Variants in PTGER2 observed in about 807,000 individuals in gnomAD.
The protein encoded by PTGER2 is prostaglandin E receptor 2.
A neutral mutation model predicts 26.2 loss-of-function variants in PTGER2; 22 were observed. The ratio of observed to expected loss-of-function variants is 0.84; its 90% CI spans 0.60 to 1.20. The LOEUF (loss-of-function observed/expected upper bound fraction) is 1.20, where lower values mean the gene tolerates loss of function less well. Among genes scored for constraint, PTGER2 ranks in the 50% most tolerant of loss-of-function variants. The pLI is 0.00. For synonymous variants in PTGER2, 219 were observed against 208.9 expected (o/e 1.05, Z -0.42); for missense variants, 458 against 475.2 (o/e 0.96, Z 0.34).
chr14:52,326,392 G>T (rs2033950864), intron 1 of PTGER2, among the ~76,000 whole-genome samples: 1 of 152,186 alleles, frequency 6.6e-6, no homozygotes, highest in South Asian at 2.1e-4. Flanking sequence ...GTCTGCATTT[G>T]TAAAATGGAT....
At chr14:52,322,076 T>G (rs1226605513) in intron 1 of PTGER2, among the ~76,000 whole-genome samples, 1 of 152,214 alleles carries the variant, frequency 6.6e-6, no homozygotes, top group East Asian at 1.9e-4. Context: ...CCTAGACTAA[T>G]TAAGTTGGAG....
rs2033823246 is a variant in PTGER2, at chr14:52,315,139, G to T, written c.591G>T (p.Leu197=). 6.2e-7 allele frequency: 1 copy of T among 1,608,910 alleles called. No individual in the cohort carries two copies. The highest frequency in any genetic ancestry group is 1.7e-5 in the Admixed American group (1 of 60,002). ...TCCGGCACGGGCGGACCGCTTACCT[G>T]CAGCTGTACGCCACCCTGCTGCTGC... ...CFIRHGRTAY[L]QLYATLLLLL... Residue 197 remains leucine (L), a synonymous_variant, in exon 1 of 2, where the codon CTG becomes CTT. Coordinates refer to ENST00000245457, the MANE Select transcript of PTGER2 (RefSeq NM_000956.4).
intron 1 of PTGER2, among the ~76,000 whole-genome samples, chr14:52,319,260 A>G (rs1258010684): frequency 6.6e-6 from 1 of 152,232 alleles, no homozygotes; most frequent in African/African-American, 2.4e-5. Flanking sequence ...GCCAGGGCCA[A>G]CTATGTGGTT....
rs2033823328 is a variant in PTGER2 at position 52,315,144 on chromosome 14, T to C, written c.596T>C (p.Leu199Pro). Reference protein sequence around the residue: ...IRHGRTAYLQLYATLLLLLIV... With the variant: ...IRHGRTAYLQPYATLLLLLIV... ...CACGGGCGGACCGCTTACCTGCAGC[T>C]GTACGCCACCCTGCTGCTGCTTCTC... The change falls in exon 1 of 2, where the codon CTG becomes CCG. Residue 199 changes from leucine (L) to proline (P), a missense_variant. By Grantham distance (98) the Leu-to-Pro change is moderately conservative. Coordinates refer to ENST00000245457, the MANE Select transcript of PTGER2 (RefSeq NM_000956.4). 6.2e-7 allele frequency: 1 copy of C among 1,609,038 alleles called. No homozygotes were observed. Among genetic ancestry groups the C allele is most frequent in the African/African-American group, 1.3e-5 (1 of 74,856 alleles).
chr14:52,327,083 C>T, intron 1 of PTGER2, 138 bp from the exon 2 acceptor site: 1 of 625,738 alleles, frequency 1.6e-6, no homozygotes, highest in Non-Finnish European at 2.8e-6. Flanking sequence ...AGATTCCCAA[C>T]CCCCACCTTT....
rs1160714496 is a variant in PTGER2, at chr14:52,314,814, T to TA, written c.267dup (p.Leu90ThrfsTer199). The stretch of plus-strand genomic sequence containing the variant: ...GGGACCTGCCTCATCAGCCCAGTGG[T>TA]ACTGGCTTCGTACGCGCGGAACCAG... On this transcript the variant is annotated frameshift_variant, in exon 1 of 2. Coordinates refer to ENST00000245457, the MANE Select transcript of PTGER2 (RefSeq NM_000956.4). LOFTEE classifies it high-confidence loss of function. The surrounding 1 kb of genome is among the most constrained non-coding windows in gnomAD (Gnocchi z 5.7). The TA allele has an allele frequency of 1.9e-6, 3 of 1,613,078 alleles. No homozygotes were observed. The highest frequency in any genetic ancestry group is 2.5e-6 in the Non-Finnish European group (3 of 1,179,932).
Position 52,327,432 on chromosome 14 carries a change from C to T in PTGER2, c.1055C>T (p.Ala352Val). 1 of 1,609,460 alleles carries T rather than the reference C, an allele frequency of 6.2e-7. No homozygotes were observed. Among genetic ancestry groups the T allele is most frequent in the Non-Finnish European group, 8.5e-7 (1 of 1,176,098 alleles). The part of the protein sequence containing the change: ...TQTSCSTQSD[A>V]SKQADL Reference sequence around the variant, plus strand: ...ACTTCCTGTTCTACACAGTCAGATGCCAGTAAACAGGCTGACCTTTGAGGT... The same window carrying T: ...ACTTCCTGTTCTACACAGTCAGATGTCAGTAAACAGGCTGACCTTTGAGGT... The change falls in exon 2 of 2, where the codon GCC becomes GTC. Residue 352 changes from alanine to valine, a missense_variant. Physicochemically the swap from Ala to Val is moderately conservative, Grantham distance 64. Transcript: ENST00000245457.
At chr14:52,321,099 G>T (rs1466427041) in intron 1 of PTGER2, among the ~76,000 whole-genome samples, 1 of 152,170 alleles carries the variant, frequency 6.6e-6, no homozygotes, top group Non-Finnish European at 1.5e-5. Flanking sequence ...CCAGTTCTGA[G>T]AAGCACAAGA....
Position 52,314,489 on chromosome 14 carries a change from C to G in PTGER2, c.-60C>G. 7.0e-7 allele frequency: 1 copy of G among 1,425,248 alleles called. No individual in the cohort carries two copies. Among genetic ancestry groups the G allele is most frequent in the Non-Finnish European group, 9.2e-7 (1 of 1,088,482 alleles). The allele number at this position is 1,425,248 out of a possible 1,614,324, so 88.3% of individuals were successfully genotyped here. ...CTCGGAACGCTCCGGCTCTCAGACC[C>G]TCTTCCTCCCAGGTAAAGGCCGGGA... On this transcript the variant is annotated 5_prime_UTR_variant, in exon 1 of 2. Transcript: ENST00000245457. This position sits in a 1 kb window ranked among gnomAD's most constrained non-coding sequence, Gnocchi z 5.7.
chr14:52,323,546 A>G (rs1273260918), intron 1 of PTGER2, among the ~76,000 whole-genome samples: 1 of 152,084 alleles, frequency 6.6e-6, no homozygotes, highest in Admixed American at 6.5e-5. Flanking sequence ...GAGCCACCGC[A>G]CCCAACCTAT....
chr14:52,315,203 A>G lies in PTGER2; in HGVS notation c.655A>G (p.Ile219Val). 2 of 1,609,900 alleles carry G rather than the reference A, an allele frequency of 1.2e-6. No homozygotes were observed. Among genetic ancestry groups the G allele is most frequent in the Non-Finnish European group, 1.7e-6 (2 of 1,179,822 alleles). Reference protein sequence around the residue: ...VSVLACNFSVILNLIRMHRRS... With the variant: ...VSVLACNFSVVLNLIRMHRRS... ...GGTGCTCGCCTGCAACTTCAGTGTC[A>G]TTCTCAACCTCATCCGCATGCACCG... Residue 219 changes from isoleucine to valine, a missense_variant, in exon 1 of 2, where the codon ATT becomes GTT. By Grantham distance (29) the Ile-to-Val change is conservative. Transcript: ENST00000245457.
In PTGER2 at chr14:52,314,423, G is replaced by T; in HGVS notation, c.-126G>T. 1.7e-6 allele frequency: 2 copies of T among 1,150,068 alleles called. No individual in the cohort carries two copies. Among genetic ancestry groups the T allele is most frequent in the Non-Finnish European group, 2.2e-6 (2 of 893,268 alleles). 71.2% of individuals were successfully genotyped at this position (1,150,068 alleles called of 1,614,324 possible). ...GCCGTCGGCGCGCTGGGTGCGGGAA[G>T]GGGGCTCTGGATTTCGGTCCCTCCC... is the stretch of plus-strand genomic sequence containing the variant. On this transcript the variant is annotated 5_prime_UTR_variant, in exon 1 of 2. The change creates a new upstream start codon in the 5' untranslated region. Coordinates refer to ENST00000245457, the MANE Select transcript of PTGER2 (RefSeq NM_000956.4). The surrounding 1 kb of genome is among the most constrained non-coding windows in gnomAD (Gnocchi z 5.7).
chr14:52,317,051 A>G (rs974952740), intron 1 of PTGER2, among the ~76,000 whole-genome samples: 23 of 152,230 alleles, frequency 1.5e-4, no homozygotes, highest in African/African-American at 5.1e-4. Context: ...TGCAGAACAT[A>G]TATCTATGAA....
chr14:52,314,773 G>A lies in PTGER2; in HGVS notation c.225G>A (p.Val75=). ...SLFHVLVTEL[V]FTDLLGTCLI... is the part of the protein sequence containing the mutation. ...TCCACGTGCTGGTGACCGAGCTGGT[G>A]TTCACCGACCTGCTCGGGACCTGCC... Residue 75 remains valine (V), a synonymous_variant, in exon 1 of 2, where the codon GTG becomes GTA. Transcript: ENST00000245457. The surrounding 1 kb of genome is among the most constrained non-coding windows in gnomAD (Gnocchi z 5.7). The A allele has an allele frequency of 1.2e-6, 2 of 1,607,672 alleles. No individual in the cohort carries two copies. Among genetic ancestry groups the A allele is most frequent in the South Asian group, 1.1e-5 (1 of 90,910 alleles).
At chr14:52,326,185 G>A (rs1214065796) in intron 1 of PTGER2, among the ~76,000 whole-genome samples, 1 of 152,184 alleles carries the variant, frequency 6.6e-6, no homozygotes, top group Non-Finnish European at 1.5e-5. Flanking sequence ...TGGTAGAGCA[G>A]TTTGGTCCAT....
At chr14:52,321,255 C>A (rs1026040908) in intron 1 of PTGER2, among the ~76,000 whole-genome samples, 1 of 69,096 alleles carries the variant, frequency 1.4e-5, no homozygotes, top group Non-Finnish European at 4.3e-5. Context: ...TAATCTCCCC[C>A]CAAAATGTTT....
intron 1 of PTGER2, among the ~76,000 whole-genome samples, chr14:52,324,771 A>G (rs1488213518): frequency 6.6e-6 from 1 of 152,228 alleles, no homozygotes; most frequent in Non-Finnish European, 1.5e-5. Flanking sequence ...AAAAGAAAAA[A>G]ATGGGGAGGT....
chr14:52,314,753 G>A lies in PTGER2; in HGVS notation c.205G>A (p.Val69Met). Reference protein sequence around the residue: ...GRRSSLSLFHVLVTELVFTDL... With the variant: ...GRRSSLSLFHMLVTELVFTDL... ...CAGGAGCTCCCTCTCCTTGTTCCAC[G>A]TGCTGGTGACCGAGCTGGTGTTCAC... The change falls in exon 1 of 2, where the codon GTG becomes ATG. Residue 69 changes from valine to methionine, a missense_variant. Physicochemically the swap from Val to Met is conservative, Grantham distance 21. Transcript: ENST00000245457. This position sits in a 1 kb window ranked among gnomAD's most constrained non-coding sequence, Gnocchi z 5.7. The A allele has an allele frequency of 2.5e-6, 4 of 1,602,680 alleles. No individual in the cohort carries two copies. Among genetic ancestry groups the A allele is most frequent in the East Asian group, 4.5e-5 (2 of 44,562 alleles).
rs1215144304 is a variant in PTGER2, at chr14:52,314,984, C to A, written c.436C>A (p.Arg146Ser). The change falls in exon 1 of 2, where the codon CGC becomes AGC. Residue 146 changes from arginine to serine, a missense_variant. Transcript: ENST00000245457. The surrounding 1 kb of genome is among the most constrained non-coding windows in gnomAD (Gnocchi z 5.7). ...LSIGHPYFYQ[R>S]RVSRSGGLAV... Reference sequence around the variant, plus strand: ...GATCGGGCACCCCTACTTCTACCAGCGCCGCGTCTCGCGCTCCGGGGGCCT... The same window carrying A: ...GATCGGGCACCCCTACTTCTACCAGAGCCGCGTCTCGCGCTCCGGGGGCCT... 1.2e-6 allele frequency: 2 copies of A among 1,613,404 alleles called. No homozygotes were observed. Among genetic ancestry groups the A allele is most frequent in the African/African-American group, 1.3e-5 (1 of 75,060 alleles).
Sources: gnomAD v4.1 joint callset for allele counts (sites outside exome capture counted in the v4.1 genomes callset) on GRCh38, gnomAD v4.1.1 for gene constraint, Gnocchi (gnomAD v3.1) non-coding constraint, MANE v1.5 for transcripts, NCBI Gene and HGNC (gene_info 2026-07-23, HGNC 2026-07-21) for gene names.